The following HEPHL1 variants were observed in gnomAD, a reference collection of about 807,000 sequenced individuals.
HEPHL1 encodes the protein ferroxidase HEPHL1.
Under a neutral mutation model 122.0 loss-of-function variants are expected in HEPHL1, and 123 were observed. The observed-to-expected ratio is 1.01, with a 90% CI of 0.87 to 1.17. The LOEUF is 1.17. Ranked by LOEUF, HEPHL1 falls within the 50% of genes most tolerant of loss-of-function variation. HEPHL1 has a pLI of 0.00. For missense variants in HEPHL1, 1,452 were observed against 1,430.5 expected, an observed-to-expected ratio of 1.01 and a Z score of -0.24; for synonymous variants, 527 against 508.9, an observed-to-expected ratio of 1.04 and a Z score of -0.48.
chr11:94,074,876 T>C (rs1209018415), intron 8 of HEPHL1, among the ~76,000 whole-genome samples: 3 of 152,196 alleles, frequency 2.0e-5, no homozygotes, highest in Non-Finnish European at 4.4e-5. Flanking sequence ...ATTTTATGAA[T>C]TTTCACTTAA....
At position 94,094,001 on chromosome 11, in the gene HEPHL1, TATATATATATATAA is replaced by T. The variant is rs1215936886; in HGVS notation, c.2434+363_2434+376del. Among the ~76,000 whole-genome samples, 642 of 119,274 alleles carry T rather than the reference TATATATATATATAA, an allele frequency of 5.4e-3. 15 individuals carry two copies. Among genetic ancestry groups the T allele is most frequent in the African/African-American group, 0.023 (612 of 26,190 alleles). The allele number at this position is 119,274 out of a possible 152,430, so 78.2% of individuals were successfully genotyped here. ...ATATATATATATATATATATATATA[TATATATATATATAA>T]AACTTTAAGTTCTAGGGTACATGTG... On this transcript the variant is annotated intron_variant, in intron 13 of 19. Transcript: ENST00000315765.
At chr11:94,095,375 C>T (rs1591486348) in intron 13 of HEPHL1, among the ~76,000 whole-genome samples, 1 of 152,290 alleles carries the variant, frequency 6.6e-6, no homozygotes, top group East Asian at 1.9e-4. Flanking sequence ...GGTACCAGTA[C>T]CATGCTGTTT....
chr11:94,070,775 A>G (rs1946068464), intron 6 of HEPHL1, among the ~76,000 whole-genome samples: 1 of 152,154 alleles, frequency 6.6e-6, no homozygotes, highest in African/African-American at 2.4e-5. Flanking sequence ...TCATTCACTC[A>G]TTGATCAAAC....
At chr11:94,056,363 G>A (rs1945935721) in intron 2 of HEPHL1, among the ~76,000 whole-genome samples, 1 of 151,858 alleles carries the variant, frequency 6.6e-6, no homozygotes, top group Non-Finnish European at 1.5e-5. Flanking sequence ...TTATTTATTA[G>A]TTTGATTTAT....
intron 13 of HEPHL1, among the ~76,000 whole-genome samples, chr11:94,095,164 A>G (rs1946300625): frequency 6.6e-6 from 1 of 152,136 alleles, no homozygotes; most frequent in Admixed American, 6.6e-5. Flanking sequence ...TCTTGAATTA[A>G]TTTTTGTATA....
rs561102296 is a variant in HEPHL1 at position 94,107,026 on chromosome 11, G to GC, written c.3045+899dup. ...AACTATGTAAAAACCCAACTGCCAG[G>GC]CCCGACCCAGACCTGCTGAATCAGA... On this transcript the variant is annotated intron_variant, in intron 17 of 19. Coordinates refer to ENST00000315765, the MANE Select transcript of HEPHL1 (RefSeq NM_001098672.2). Among the ~76,000 whole-genome samples, 966 of 152,254 alleles carry GC rather than the reference G, an allele frequency of 6.3e-3. 11 individuals carry two copies. Among genetic ancestry groups the GC allele is most frequent in the African/African-American group, 0.022 (900 of 41,532 alleles).
chr11:94,104,961 G>T (rs1277295641), intron 16 of HEPHL1, among the ~76,000 whole-genome samples: 1 of 152,172 alleles, frequency 6.6e-6, no homozygotes, highest in South Asian at 2.1e-4. Flanking sequence ...GTACTAACTT[G>T]TAGGGACATG....
intron 13 of HEPHL1, among the ~76,000 whole-genome samples, chr11:94,096,878 T>G (rs1591486969): frequency 2.0e-5 from 3 of 152,322 alleles, no homozygotes; most frequent in African/African-American, 7.2e-5. Flanking sequence ...CCTTTATCAT[T>G]TTTTATTGCG....
chr11:94,049,088 T>C (rs1328415935), intron 2 of HEPHL1, among the ~76,000 whole-genome samples: 1 of 151,468 alleles, frequency 6.6e-6, no homozygotes, highest in Non-Finnish European at 1.5e-5. Context: ...GCCATTGCAC[T>C]CCAGCCTGGG....
chr11:94,065,274 A>G (rs1946024243), intron 4 of HEPHL1, among the ~76,000 whole-genome samples: 1 of 152,158 alleles, frequency 6.6e-6, no homozygotes, highest in South Asian at 2.1e-4. Context: ...TGTTCTAACC[A>G]AGGTATCCTC....
At chr11:94,024,190 A>G (rs560563748) in intron 1 of HEPHL1, among the ~76,000 whole-genome samples, 282 of 152,350 alleles carry the variant, frequency 1.9e-3, no homozygotes, top group Non-Finnish European at 3.4e-3. Context: ...CCAGGTGCTC[A>G]GAATTCCACC....
intron 5 of HEPHL1, 86 bp from the exon 6 acceptor site, chr11:94,070,288 C>T: frequency 1.5e-6 from 2 of 1,362,436 alleles, no homozygotes; most frequent in Non-Finnish European, 1.9e-6. Flanking sequence ...CCTAAATGTT[C>T]AAGAGCCAAA....
chr11:94,066,612 A>T (rs1946036487), intron 4 of HEPHL1, among the ~76,000 whole-genome samples: 1 of 152,170 alleles, frequency 6.6e-6, no homozygotes, highest in Admixed American at 6.6e-5. Context: ...TAAAGGAAAA[A>T]ATTTAATTAA....
rs537307822 is a variant in HEPHL1, at chr11:94,095,697, G to A, written c.2434+2057G>A. 3.9e-5 allele frequency among the ~76,000 whole-genome samples: 6 copies of A among 152,132 alleles called. No individual in the cohort carries two copies. In the East Asian group the frequency reaches 1.2e-3, roughly 29 times the overall value. On this transcript the variant is annotated intron_variant, in intron 13 of 19. Transcript: ENST00000315765. ...GTTTGTTTGTGTCCTCTTTTATTTT[G>A]TTGAGCAGTGGTTTGTAGTTCTCCT... is the stretch of plus-strand genomic sequence containing the variant.
At chr11:94,043,434 G>T (rs1391916025) in intron 1 of HEPHL1, among the ~76,000 whole-genome samples, 1 of 152,140 alleles carries the variant, frequency 6.6e-6, no homozygotes, top group Non-Finnish European at 1.5e-5. Flanking sequence ...AGGGTAGGCT[G>T]GCTGGGGGAT....
intron 2 of HEPHL1, among the ~76,000 whole-genome samples, chr11:94,049,518 C>T (rs1265896717): frequency 6.6e-6 from 1 of 151,448 alleles, no homozygotes; most frequent in African/African-American, 2.4e-5. Flanking sequence ...AGGAATAAAC[C>T]TTTCATTGAG....
intron 17 of HEPHL1, among the ~76,000 whole-genome samples, chr11:94,109,489 T>C (rs1946432244): frequency 6.6e-6 from 1 of 152,188 alleles, no homozygotes; most frequent in Non-Finnish European, 1.5e-5. Flanking sequence ...CTGCAGCTTT[T>C]TTGTGGATCC....
rs533110760 is a variant in HEPHL1 at position 94,053,001 on chromosome 11, G to A, written c.415+7084G>A. 3.3e-5 allele frequency among the ~76,000 whole-genome samples: 5 copies of A among 152,138 alleles called. No individual in the cohort carries two copies. In the East Asian group the frequency reaches 9.6e-4, roughly 29 times the overall value. ...CTTGCCTCATAGAAGGAATTGGAAA[G>A]TCTCCACTCTTCTGTTTTCTGAAAG... On this transcript the variant is annotated intron_variant, in intron 2 of 19. Coordinates refer to ENST00000315765, the MANE Select transcript of HEPHL1 (RefSeq NM_001098672.2).
chr11:94,045,157 C>G (rs1038421503), intron 1 of HEPHL1, among the ~76,000 whole-genome samples: 1 of 152,218 alleles, frequency 6.6e-6, no homozygotes, highest in South Asian at 2.1e-4. Flanking sequence ...ATCTGCCTGC[C>G]TTGGCCTCCC....
Sources: gnomAD v4.1 joint callset for allele counts (sites outside exome capture counted in the v4.1 genomes callset) on GRCh38, gnomAD v4.1.1 for gene constraint, MANE v1.5 for transcripts, NCBI Gene and HGNC (gene_info 2026-07-23, HGNC 2026-07-21) for gene names.